KCNH5: variants seen among roughly 807,000 people sequenced by gnomAD.
The protein encoded by KCNH5 is voltage-gated delayed rectifier potassium channel KCNH5.
KCNH5 carries 46 observed loss-of-function variants against 96.1 expected under a neutral mutation model. That is an observed-to-expected ratio of 0.48 (90% CI 0.38 to 0.61). KCNH5 has a LOEUF of 0.61. Among genes scored for constraint, KCNH5 ranks in the 20% least tolerant of loss-of-function variants. KCNH5 has a pLI of 0.00. For synonymous variants in KCNH5, 439 were observed against 449.8 expected (o/e 0.98, Z 0.30); for missense variants, 907 against 1,225.8 (o/e 0.74, Z 3.88).
chr14:62,879,247 T>C (rs1888444989), intron 7 of KCNH5, among the ~76,000 whole-genome samples: 1 of 152,180 alleles, frequency 6.6e-6, no homozygotes, highest in African/African-American at 2.4e-5. Context: ...ACTGGAACTC[T>C]CATGCATTGC....
intron 6 of KCNH5, among the ~76,000 whole-genome samples, chr14:62,961,897 G>A (rs1890215509): frequency 6.6e-6 from 1 of 151,790 alleles, no homozygotes; most frequent in South Asian, 2.1e-4. Flanking sequence ...TGGAGATGGA[G>A]ATGATGCAGA....
At chr14:62,892,836 TATTGTTG>T (rs1566697924) in intron 7 of KCNH5, among the ~76,000 whole-genome samples, 1 of 152,206 alleles carries the variant, frequency 6.6e-6, no homozygotes, top group African/African-American at 2.4e-5. Context: ...ATTTTAAGCC[TATTGTTG>T]AGACCTGGTG....
chr14:62,718,673 T>C (rs975727822), intron 10 of KCNH5, among the ~76,000 whole-genome samples: 3 of 152,244 alleles, frequency 2.0e-5, no homozygotes, highest in Non-Finnish European at 2.9e-5. Context: ...AAGTAAATCA[T>C]AGAGTAGCCA....
At chr14:62,713,998 T>A (rs981715551) in intron 10 of KCNH5, among the ~76,000 whole-genome samples, 2 of 152,142 alleles carry the variant, frequency 1.3e-5, no homozygotes, top group African/African-American at 2.4e-5. Flanking sequence ...AGAAGGGCCT[T>A]TTGGCTGGGC....
intron 7 of KCNH5, among the ~76,000 whole-genome samples, chr14:62,877,074 T>G (rs1224829409): frequency 6.6e-6 from 1 of 152,250 alleles, no homozygotes; most frequent in Non-Finnish European, 1.5e-5. Flanking sequence ...GGCTCCGTTC[T>G]GTTCCATTGA....
rs951908406 is a variant in KCNH5 at position 63,005,619 on chromosome 14, G to T, written c.304+747C>A. Among the ~76,000 whole-genome samples the T allele has an allele frequency of 4.6e-5, 7 of 152,268 alleles. No individual in the cohort carries two copies. In the South Asian group the frequency reaches 1.2e-3, roughly 27 times the overall value. Reference sequence around the variant, plus strand: ...AAAAAAGAAAGCAAGAACAATTTGAGGAAACAGCAAAAAGATAAATGTAAG... The same window carrying T: ...AAAAAAGAAAGCAAGAACAATTTGATGAAACAGCAAAAAGATAAATGTAAG... On this transcript the variant is annotated intron_variant, in intron 3 of 10. Transcript: ENST00000322893.
At chr14:62,815,554 A>G (rs1886961126) in intron 8 of KCNH5, among the ~76,000 whole-genome samples, 1 of 152,148 alleles carries the variant, frequency 6.6e-6, no homozygotes, top group Admixed American at 6.6e-5. Context: ...GTTTGACTGT[A>G]GTGATTATTT....
rs1182001779 is a variant in KCNH5, at chr14:62,943,823, AG to A, written c.1369+6309del. ...AAAAAACCAAGAGAAGACAAATTTAAGGTAAAGAATGCATGACGGTAGATGT... is the reference window on the plus strand; with the variant it reads ...AAAAAACCAAGAGAAGACAAATTTAAGTAAAGAATGCATGACGGTAGATGT... On this transcript the variant is annotated intron_variant, in intron 7 of 10. Transcript: ENST00000322893. Among the ~76,000 whole-genome samples the A allele has an allele frequency of 2.6e-5, 4 of 152,304 alleles. No homozygotes were observed. In the East Asian group the frequency reaches 7.7e-4, roughly 29 times the overall value.
At chr14:62,948,688 C>T (rs1311854997) in intron 7 of KCNH5, among the ~76,000 whole-genome samples, 11 of 151,120 alleles carry the variant, frequency 7.3e-5, no homozygotes, top group Admixed American at 1.3e-4. Flanking sequence ...ATACCAAAGC[C>T]GGGCAGAGAC....
At chr14:62,995,170 T>A (rs989080003) in intron 4 of KCNH5, among the ~76,000 whole-genome samples, 1 of 152,072 alleles carries the variant, frequency 6.6e-6, no homozygotes, top group Non-Finnish European at 1.5e-5. Context: ...GGTAAAAATA[T>A]CGATACAAGT....
At chr14:62,851,515 A>AC (rs200454269) in intron 7 of KCNH5, among the ~76,000 whole-genome samples, 2 of 143,996 alleles carry the variant, frequency 1.4e-5, no homozygotes, top group Non-Finnish European at 3.0e-5. Context: ...AAAAAAAAAA[A>AC]CCTAAAGGTA....
chr14:62,948,582 A>C (rs1462909683), intron 7 of KCNH5, among the ~76,000 whole-genome samples: 1 of 151,912 alleles, frequency 6.6e-6, no homozygotes, highest in African/African-American at 2.4e-5. Flanking sequence ...CCAGAGGTAT[A>C]AGGAGGAACT....
At chr14:62,901,129 C>A (rs1595676657) in intron 7 of KCNH5, among the ~76,000 whole-genome samples, 1 of 152,152 alleles carries the variant, frequency 6.6e-6, no homozygotes, top group Non-Finnish European at 1.5e-5. Context: ...GCTGGGATTA[C>A]AAGCATGAGC....
In KCNH5 at chr14:62,707,399, G is replaced by A. The variant is rs1595586969; in HGVS notation, c.*109C>T. 3 of 507,116 alleles carry A rather than the reference G, an allele frequency of 5.9e-6. No homozygotes were observed. In the East Asian group the frequency reaches 1.1e-4, roughly 18 times the overall value. The allele number at this position is 507,116 out of a possible 1,614,324, so 31.4% of individuals were successfully genotyped here. On this transcript the variant is annotated 3_prime_UTR_variant, in exon 11 of 11. Coordinates refer to ENST00000322893, the MANE Select transcript of KCNH5 (RefSeq NM_139318.5). ...GCAATATTTACATATCAAAATCCAT[G>A]TGTGGTCATCATCTTGAAAGCAAGT...
Position 62,962,087 on chromosome 14 carries a change from TG to T in KCNH5, c.943-11529del, listed in dbSNP as rs201134909. ...ATAGAGATGGAAATGGAGATGGAGA[TG>T]GATGTGCAGATGGAGATGGATACAG... On this transcript the variant is annotated intron_variant, in intron 6 of 10. Transcript: ENST00000322893. Among the ~76,000 whole-genome samples, 1,410 of 151,874 alleles carry T rather than the reference TG, an allele frequency of 9.3e-3. 10 individuals carry two copies. The highest frequency in any genetic ancestry group is 0.027 in the Middle Eastern group (8 of 294).
intron 7 of KCNH5, among the ~76,000 whole-genome samples, chr14:62,946,514 G>GTT (rs111553539): frequency 4.1e-5 from 6 of 147,116 alleles, no homozygotes; most frequent in African/African-American, 1.5e-4. Context: ...TTTTTGTGTG[G>GTT]TTTTTTTTTT....
At chr14:62,853,368 T>C (rs1009350654) in intron 7 of KCNH5, among the ~76,000 whole-genome samples, 4 of 148,900 alleles carry the variant, frequency 2.7e-5, no homozygotes, top group African/African-American at 9.9e-5. Flanking sequence ...TAAAAAAGTA[T>C]AAAAAAAGAG....
At chr14:62,715,621 C>G (rs901366607) in intron 10 of KCNH5, among the ~76,000 whole-genome samples, 1 of 152,180 alleles carries the variant, frequency 6.6e-6, no homozygotes, top group Non-Finnish European at 1.5e-5. Context: ...AACAATGATG[C>G]ATGATACTCT....
At chr14:62,735,810 G>A (rs1885144054) in intron 10 of KCNH5, among the ~76,000 whole-genome samples, 1 of 152,144 alleles carries the variant, frequency 6.6e-6, no homozygotes, top group Non-Finnish European at 1.5e-5. Flanking sequence ...TATTAGGATG[G>A]ACCCTAATCC....
Sources: gnomAD v4.1 joint callset for allele counts (sites outside exome capture counted in the v4.1 genomes callset) on GRCh38, gnomAD v4.1.1 for gene constraint, MANE v1.5 for transcripts, NCBI Gene and HGNC (gene_info 2026-07-23, HGNC 2026-07-21) for gene names.